The following SPAG16 variants were observed in gnomAD, a reference collection of about 807,000 sequenced individuals.
SPAG16 encodes the protein sperm associated antigen 16, also known as sperm-associated antigen 16 protein.
SPAG16 carries 86 observed loss-of-function variants against 80.4 expected under a neutral mutation model. The ratio of observed to expected loss-of-function variants is 1.07; its 90% CI spans 0.90 to 1.28. The LOEUF (loss-of-function observed/expected upper bound fraction) is 1.28, where lower values mean the gene tolerates loss of function less well. Ranked by LOEUF, SPAG16 falls within the 50% of genes most tolerant of loss-of-function variation. SPAG16 has a pLI of 0.00. For missense variants in SPAG16, 870 were observed against 765.3 expected (o/e 1.14, Z -1.61); for synonymous variants, 294 against 265.9 (o/e 1.11, Z -1.03).
intron 10 of SPAG16, among the ~76,000 whole-genome samples, chr2:213,838,996 C>G (rs1425935031): frequency 6.6e-6 from 1 of 152,152 alleles, no homozygotes; most frequent in African/African-American, 2.4e-5. Flanking sequence ...GTTACCGTTA[C>G]CGTCAAGACA....
intron 10 of SPAG16, among the ~76,000 whole-genome samples, chr2:213,578,036 A>G (rs981080609): frequency 1.3e-5 from 2 of 152,122 alleles, no homozygotes; most frequent in Non-Finnish European, 2.9e-5. Context: ...TGTATAATCA[A>G]ATGTCCACCT....
rs751433547 is a variant in SPAG16 at position 214,250,751 on chromosome 2, T to TAGAGAGAGAG, written c.1720+101486_1720+101487insGAGAGAGAGA. ...GCTTTGAGATATATATATATATATA[T>TAGAGAGAGAG]ATATATAGAGAGAGAGAGAGAGAGA... On this transcript the variant is annotated intron_variant, in intron 15 of 15. Coordinates refer to ENST00000331683, the MANE Select transcript of SPAG16 (RefSeq NM_024532.5). Among the ~76,000 whole-genome samples, 324 of 98,762 alleles carry TAGAGAGAGAG rather than the reference T, an allele frequency of 3.3e-3. 1 individual carries two copies. Among genetic ancestry groups the TAGAGAGAGAG allele is most frequent in the Non-Finnish European group, 5.3e-3 (252 of 47,618 alleles). 64.8% of individuals were successfully genotyped at this position (98,762 alleles called of 152,430 possible).
At chr2:213,811,326 C>T (rs191944669) in intron 10 of SPAG16, among the ~76,000 whole-genome samples, 3 of 152,058 alleles carry the variant, frequency 2.0e-5, no homozygotes, top group Non-Finnish European at 4.4e-5. Flanking sequence ...CTACAGTAAT[C>T]GTTAGCTGTG....
chr2:214,206,069 G>A (rs939363245), intron 15 of SPAG16, among the ~76,000 whole-genome samples: 5 of 151,972 alleles, frequency 3.3e-5, no homozygotes, highest in Admixed American at 2.0e-4. Context: ...GGTGGCATAC[G>A]CCTGTAGTCC....
chr2:213,949,517 CT>C (rs2106318479), intron 12 of SPAG16, among the ~76,000 whole-genome samples: 1 of 152,208 alleles, frequency 6.6e-6, no homozygotes, highest in East Asian at 1.9e-4. Context: ...CATGGCTAAT[CT>C]CTAATGAATT....
chr2:213,409,113 A>T (rs1028504737), intron 9 of SPAG16, among the ~76,000 whole-genome samples: 11 of 102,648 alleles, frequency 1.1e-4, no homozygotes, highest in East Asian at 6.3e-4. Context: ...AAATAAATTA[A>T]CTGTTTTTTT....
intron 10 of SPAG16, among the ~76,000 whole-genome samples, chr2:213,801,176 CAA>C (rs1341840290): frequency 6.6e-6 from 1 of 152,140 alleles, no homozygotes; most frequent in Non-Finnish European, 1.5e-5. Context: ...ACAATGAAAA[CAA>C]TAATAAACTA....
chr2:213,371,888 A>T (rs1335539998), intron 8 of SPAG16, among the ~76,000 whole-genome samples: 1 of 152,148 alleles, frequency 6.6e-6, no homozygotes, highest in South Asian at 2.1e-4. Context: ...TACAAAGATA[A>T]TATTAATGCT....
At chr2:213,462,287 A>C (rs566025690) in intron 9 of SPAG16, among the ~76,000 whole-genome samples, 52 of 151,634 alleles carry the variant, frequency 3.4e-4, no homozygotes, top group African/African-American at 1.1e-3. Flanking sequence ...CAGTATATGG[A>C]GTTAATTTCA....
chr2:214,200,690 T>G (rs1465705924), intron 15 of SPAG16, among the ~76,000 whole-genome samples: 2 of 152,082 alleles, frequency 1.3e-5, no homozygotes, highest in African/African-American at 4.8e-5. Flanking sequence ...ACAAACAAGA[T>G]CTCATAAAAT....
At chr2:213,304,958 C>T (rs2126097804) in intron 3 of SPAG16, among the ~76,000 whole-genome samples, 1 of 152,092 alleles carries the variant, frequency 6.6e-6, no homozygotes, top group East Asian at 1.9e-4. Context: ...TTGTAAATTG[C>T]TTTGGATAGT....
At position 214,093,910 on chromosome 2, in the gene SPAG16, C is replaced by T. The variant is rs574440980; in HGVS notation, c.1528-14286C>T. ...GCCCAACTAACTTACCTTTTAGTGT[C>T]TATATCTCATCTTAAATATCACCTT... On this transcript the variant is annotated intron_variant, in intron 13 of 15. Transcript: ENST00000331683. Among the ~76,000 whole-genome samples the T allele has an allele frequency of 3.3e-5, 5 of 152,158 alleles. No homozygotes were observed. In the East Asian group the frequency reaches 9.7e-4, roughly 29 times the overall value.
At chr2:213,492,275 C>T (rs1470391501) in intron 10 of SPAG16, among the ~76,000 whole-genome samples, 2 of 152,054 alleles carry the variant, frequency 1.3e-5, no homozygotes, top group Non-Finnish European at 2.9e-5. Context: ...AACCAGTGGC[C>T]GGGTGTGGTG....
At chr2:214,219,049 C>G (rs1345896674) in intron 15 of SPAG16, among the ~76,000 whole-genome samples, 1 of 152,094 alleles carries the variant, frequency 6.6e-6, no homozygotes, top group Non-Finnish European at 1.5e-5. Context: ...AAAAATAACT[C>G]TACATTTGTT....
intron 13 of SPAG16, among the ~76,000 whole-genome samples, chr2:214,077,156 GA>G (rs1232565512): frequency 6.6e-6 from 1 of 152,192 alleles, no homozygotes; most frequent in South Asian, 2.1e-4. Flanking sequence ...AGCAAGTAGA[GA>G]AAAAATATTT....
At chr2:213,599,446 C>T (rs1374328554) in intron 10 of SPAG16, among the ~76,000 whole-genome samples, 6 of 152,310 alleles carry the variant, frequency 3.9e-5, no homozygotes, top group Admixed American at 3.9e-4. Context: ...CCTCCTCTTC[C>T]TCGGCCTACT....
At chr2:213,906,431 G>A (rs1023803361) in intron 11 of SPAG16, among the ~76,000 whole-genome samples, 1 of 152,112 alleles carries the variant, frequency 6.6e-6, no homozygotes, top group Non-Finnish European at 1.5e-5. Context: ...TGTTAAAATG[G>A]CCGTAATACC....
intron 11 of SPAG16, among the ~76,000 whole-genome samples, chr2:213,928,444 C>G (rs564412326): frequency 2.0e-5 from 3 of 152,184 alleles, no homozygotes; most frequent in Non-Finnish European, 4.4e-5. Flanking sequence ...ATATAATCCA[C>G]CTTCTCTCCA....
intron 13 of SPAG16, among the ~76,000 whole-genome samples, chr2:214,083,038 T>C (rs1242674347): frequency 6.6e-6 from 1 of 152,216 alleles, no homozygotes; most frequent in Non-Finnish European, 1.5e-5. Context: ...CCCTATTTTG[T>C]TCTTTGACTT....
Sources: gnomAD v4.1 joint callset for allele counts (sites outside exome capture counted in the v4.1 genomes callset) on GRCh38, gnomAD v4.1.1 for gene constraint, MANE v1.5 for transcripts, NCBI Gene and HGNC (gene_info 2026-07-23, HGNC 2026-07-21) for gene names.